Variants in WDR47 observed in about 807,000 individuals in gnomAD.
WDR47 encodes the protein WD repeat-containing protein 47.
WDR47 carries 32 observed loss-of-function variants against 97.2 expected under a neutral mutation model. The ratio of observed to expected loss-of-function variants is 0.33; its 90% CI spans 0.25 to 0.44. The LOEUF is 0.44. WDR47 is among the 20% of genes least tolerant of loss of function. The pLI is 1.00. For missense variants in WDR47, 782 were observed against 1,102.3 expected (o/e 0.71, Z 4.11); for synonymous variants, 375 against 373.5 (o/e 1.00, Z -0.05).
In WDR47 at chr1:109,011,059, C is replaced by T. The variant is rs370884543; in HGVS notation, c.987G>A (p.Lys329=). The change falls in exon 5 of 15, where the codon AAG becomes AAA. Residue 329 remains lysine, a synonymous_variant. Transcript: ENST00000369962. ...GLTCGLTSHD[K]RISDLGNKTS... is the part of the protein sequence containing the mutation. ...TTTTGTTTCCAAGGTCTGAAATTCT[C>T]TTATCATGACTGGTTAGTCCACAGG... 6.2e-7 allele frequency: 1 copy of T among 1,613,944 alleles called. No homozygotes were observed. The highest frequency in any genetic ancestry group is 8.5e-7 in the Non-Finnish European group (1 of 1,180,022).
At position 109,033,273 on chromosome 1, in the gene WDR47, C is replaced by T. The variant is rs535420767; in HGVS notation, c.-10+8589G>A. Among the ~76,000 whole-genome samples the T allele has an allele frequency of 2.7e-3, 409 of 151,914 alleles. 2 individuals carry two copies. The highest frequency in any genetic ancestry group is 5.2e-3 in the Non-Finnish European group (354 of 67,968). ...TCACGCCACTACACTCCAGCTTGGGCGACAGAATGAGACTCTGCCTCAAAA... is the reference window on the plus strand; with the variant it reads ...TCACGCCACTACACTCCAGCTTGGGTGACAGAATGAGACTCTGCCTCAAAA... On this transcript the variant is annotated intron_variant, in intron 1 of 14. Transcript: ENST00000369962.
At chr1:109,030,557 G>T (rs1662549637) in intron 1 of WDR47, among the ~76,000 whole-genome samples, 1 of 151,876 alleles carries the variant, frequency 6.6e-6, no homozygotes, top group African/African-American at 2.4e-5. Flanking sequence ...CTTAATAAAG[G>T]CTCCATTAAT....
At chr1:109,035,422 A>C (rs921779242) in intron 1 of WDR47, among the ~76,000 whole-genome samples, 9 of 152,120 alleles carry the variant, frequency 5.9e-5, no homozygotes, top group Non-Finnish European at 1.2e-4. Flanking sequence ...GTTTATCTGA[A>C]GAGTTAACAA....
chr1:108,995,441 A>G (rs1442790801), intron 8 of WDR47, 139 bp downstream of exon 8: 1 of 929,598 alleles, frequency 1.1e-6, no homozygotes, highest in Non-Finnish European at 1.6e-6. Flanking sequence ...ATATAGACAA[A>G]TGAAGGCAGA....
Position 109,011,002 on chromosome 1 carries a change from G to T in WDR47, c.1044C>A (p.Phe348Leu). 6.2e-7 allele frequency: 1 copy of T among 1,614,146 alleles called. No homozygotes were observed. Among genetic ancestry groups the T allele is most frequent in the Non-Finnish European group, 8.5e-7 (1 of 1,180,038 alleles). Reference protein sequence around the residue: ...TSPMSHSFANFHYPGVQNLSR... With the variant: ...TSPMSHSFANLHYPGVQNLSR... Reference sequence around the variant, plus strand: ...TGAGGTTTTGTACCCCTGGATAATGGAAGTTAGCAAAGGAGTGTGACATTG... The same window carrying T: ...TGAGGTTTTGTACCCCTGGATAATGTAAGTTAGCAAAGGAGTGTGACATTG... Residue 348 changes from phenylalanine (F) to leucine (L), a missense_variant, in exon 5 of 15, where the codon TTC (phenylalanine) becomes TTA (leucine). Phe to Leu is a conservative substitution (Grantham distance 22). Around this residue, in one of 3 missense-constraint regions of WDR47, gnomAD observed 428 missense variants for 584.3 expected, o/e 0.73. Transcript: ENST00000369962.
At chr1:108,983,482 A>T (rs1480002036) in intron 10 of WDR47, 31 bp from the exon 11 acceptor site, 6 of 1,509,774 alleles carry the variant, frequency 4.0e-6, no homozygotes. Flanking sequence ...AATATATTTC[A>T]ATTTCTTGCT....
intron 4 of WDR47, among the ~76,000 whole-genome samples, chr1:109,012,586 A>AAAAC (rs1553233832): frequency 6.6e-6 from 1 of 151,234 alleles, no homozygotes; most frequent in African/African-American, 2.4e-5. Context: ...AAAAAAAAAA[A>AAAAC]AAAACAGAAA....
intron 5 of WDR47, among the ~76,000 whole-genome samples, chr1:109,009,867 G>A (rs558646294): frequency 1.4e-4 from 21 of 151,974 alleles, no homozygotes; most frequent in African/African-American, 4.6e-4. Context: ...GCGTGGTGGC[G>A]GGTGTTTGCA....
At chr1:108,977,123 G>A (rs1657962989) in intron 13 of WDR47, among the ~76,000 whole-genome samples, 1 of 152,108 alleles carries the variant, frequency 6.6e-6, no homozygotes, top group Non-Finnish European at 1.5e-5. Context: ...TCCTAGAGTG[G>A]TAGCAATAAA....
At position 108,981,792 on chromosome 1, in the gene WDR47, A is replaced by T; in HGVS notation, c.2339T>A (p.Phe780Tyr). ...ASGSQDKTVR[F>Y]WDLRVPSCVR... is the part of the protein sequence containing the mutation. ...ACAACTTGGTACTCGAAGATCCCAA[A>T]ATCTAACAGTCTTATCTTGGGAACC... The change falls in exon 13 of 15, where the codon TTT becomes TAT. Residue 780 changes from phenylalanine to tyrosine, a missense_variant. Phe to Tyr is a conservative substitution (Grantham distance 22). Around this residue, in one of 3 missense-constraint regions of WDR47, gnomAD observed 228 missense variants for 396.7 expected, o/e 0.57. Coordinates refer to ENST00000369962, the MANE Select transcript of WDR47 (RefSeq NM_001142551.2). 1 of 1,614,032 alleles carries T rather than the reference A, an allele frequency of 6.2e-7. No homozygotes were observed. The highest frequency in any genetic ancestry group is 8.5e-7 in the Non-Finnish European group (1 of 1,179,936).
At chr1:109,014,441 T>G (rs1457824121) in intron 3 of WDR47, among the ~76,000 whole-genome samples, 1 of 151,868 alleles carries the variant, frequency 6.6e-6, no homozygotes, top group Non-Finnish European at 1.5e-5. Flanking sequence ...CCTTTTCTTT[T>G]TTTTTTTTAG....
At chr1:109,016,467 G>A (rs935748652) in intron 3 of WDR47, among the ~76,000 whole-genome samples, 8 of 152,082 alleles carry the variant, frequency 5.3e-5, no homozygotes, top group East Asian at 1.9e-4. Context: ...AAAGGACGAC[G>A]TCACAGTAGG....
chr1:108,982,926 GT>G (rs1482659878), intron 11 of WDR47, 147 bp from the exon 12 acceptor site: 2 of 930,360 alleles, frequency 2.1e-6, no homozygotes, highest in African/African-American at 3.4e-5. Flanking sequence ...ATTATAAGCA[GT>G]TTCACTTTAC....
intron 1 of WDR47, among the ~76,000 whole-genome samples, chr1:109,025,730 T>C (rs575463045): frequency 2.6e-5 from 4 of 151,844 alleles, no homozygotes; most frequent in Non-Finnish European, 4.4e-5. Flanking sequence ...CCAGACTCCA[T>C]CTCGGAAAAA....
intron 10 of WDR47, among the ~76,000 whole-genome samples, chr1:108,984,949 G>A (rs1658661949): frequency 6.6e-6 from 1 of 152,130 alleles, no homozygotes; most frequent in African/African-American, 2.4e-5. Flanking sequence ...CTTTTCAGCT[G>A]CACAACCAAT....
At position 108,982,774 on chromosome 1, in the gene WDR47, C is replaced by G; in HGVS notation, c.2101G>C (p.Asp701His). ...CCATCATGCATACTAAATTCCAGAT[C>G]TGGTCCTGAAACAGTAGTAAGAATT... ...NAETCNATGP[D>H]LEFSMHDGTI... Residue 701 changes from aspartate (D) to histidine (H), a missense_variant, in exon 12 of 15, where the codon GAT (aspartate) becomes CAT (histidine). Physicochemically the swap from Asp to His is moderately conservative, Grantham distance 81. Coordinates refer to ENST00000369962, the MANE Select transcript of WDR47 (RefSeq NM_001142551.2). The G allele has an allele frequency of 6.2e-7, 1 of 1,603,792 alleles. No individual in the cohort carries two copies.
chr1:109,038,117 G>GT (rs1663089973), intron 1 of WDR47, among the ~76,000 whole-genome samples: 1 of 152,060 alleles, frequency 6.6e-6, no homozygotes, highest in Non-Finnish European at 1.5e-5. Context: ...CGCATTACAG[G>GT]TATGAGCCAC....
At chr1:108,972,727 G>A (rs1374062270) in intron 14 of WDR47, among the ~76,000 whole-genome samples, 1 of 152,110 alleles carries the variant, frequency 6.6e-6, no homozygotes, top group Non-Finnish European at 1.5e-5. Context: ...AGATCACGAG[G>A]TCAGGAGATC....
At chr1:108,999,986 A>G (rs1289051099) in intron 7 of WDR47, among the ~76,000 whole-genome samples, 1 of 152,230 alleles carries the variant, frequency 6.6e-6, no homozygotes, top group Non-Finnish European at 1.5e-5. Context: ...CAGAGGTGAT[A>G]AGAAAATGAC....
Sources: gnomAD v4.1 joint callset for allele counts (sites outside exome capture counted in the v4.1 genomes callset) on GRCh38, gnomAD v4.1.1 for gene constraint, gnomAD v4.1.1 regional missense constraint, MANE v1.5 for transcripts, NCBI Gene and HGNC (gene_info 2026-07-23, HGNC 2026-07-21) for gene names.